TAGLN3: variants seen among roughly 807,000 people sequenced by gnomAD.
TAGLN3 encodes transgelin-3.
Under a neutral mutation model 25.4 loss-of-function variants are expected in TAGLN3, and 12 were observed. The observed-to-expected ratio is 0.47, with a 90% CI of 0.30 to 0.77. The LOEUF (loss-of-function observed/expected upper bound fraction) is 0.77, where lower values mean the gene tolerates loss of function less well. TAGLN3 is among the 30% of genes least tolerant of loss of function. The pLI is 0.06. For synonymous variants in TAGLN3, 96 were observed against 94.8 expected (o/e 1.01, Z -0.08); for missense variants, 218 against 255.8 (o/e 0.85, Z 1.01).
Position 112,013,401 on chromosome 3 carries a change from CT to C in TAGLN3, c.459-7del. On this transcript the variant is annotated splice_region_variant and splice_polypyrimidine_tract_variant and intron_variant, in intron 4 of 4. Coordinates refer to ENST00000478951, the MANE Select transcript of TAGLN3 (RefSeq NM_001008272.2). ...AATGACATTATTCCCTCTCACTTTCCTTGTCCAGGAAAGCCCAGCAGAATCG... is the reference window on the plus strand; with the variant it reads ...AATGACATTATTCCCTCTCACTTTCCTGTCCAGGAAAGCCCAGCAGAATCG... The C allele has an allele frequency of 6.2e-7, 1 of 1,607,468 alleles. No homozygotes were observed. The highest frequency in any genetic ancestry group is 1.7e-5 in the Admixed American group (1 of 59,386).
intron 3 of TAGLN3, among the ~76,000 whole-genome samples, chr3:112,007,880 A>T (rs2072934507): frequency 6.6e-6 from 1 of 152,246 alleles, no homozygotes. Context: ...GTTTTTAAAC[A>T]TTGAAAACCA....
intron 3 of TAGLN3, among the ~76,000 whole-genome samples, chr3:112,003,211 T>G (rs1295296234): frequency 1.3e-5 from 2 of 152,288 alleles, no homozygotes; most frequent in East Asian, 1.9e-4. Context: ...GTCTGGTGGC[T>G]GACTCTATGG....
At chr3:112,005,565 T>C (rs2072906995) in intron 3 of TAGLN3, among the ~76,000 whole-genome samples, 2 of 152,162 alleles carry the variant, frequency 1.3e-5, no homozygotes, top group South Asian at 4.1e-4. Flanking sequence ...TCACTTTATG[T>C]GTCATTCCTC....
At chr3:112,002,742 G>A (rs1482578938) in intron 3 of TAGLN3, among the ~76,000 whole-genome samples, 3 of 152,136 alleles carry the variant, frequency 2.0e-5, no homozygotes, top group African/African-American at 7.2e-5. Context: ...CTGTCTTCAT[G>A]CTACTGAGGA....
chr3:112,002,688 A>G (rs1266309056), intron 3 of TAGLN3, among the ~76,000 whole-genome samples: 4 of 150,154 alleles, frequency 2.7e-5, no homozygotes, highest in African/African-American at 4.9e-5. Context: ...GGGAGGAGGA[A>G]GAAGCCAGGA....
chr3:112,005,513 T>C (rs566177532), intron 3 of TAGLN3, among the ~76,000 whole-genome samples: 5 of 152,126 alleles, frequency 3.3e-5, no homozygotes, highest in South Asian at 2.1e-4. Flanking sequence ...GTGGTTTACA[T>C]TGGAAGGGCC....
intron 1 of TAGLN3, 126 bp downstream of exon 1, chr3:111,999,240 T>G: frequency 1.6e-6 from 1 of 618,706 alleles, no homozygotes; most frequent in Non-Finnish European, 2.7e-6. Flanking sequence ...TTCTTTCCCG[T>G]TTGTAGGTGA....
chr3:112,007,730 C>A (rs2072932974), intron 3 of TAGLN3, among the ~76,000 whole-genome samples: 1 of 152,240 alleles, frequency 6.6e-6, no homozygotes, highest in African/African-American at 2.4e-5. Flanking sequence ...AGCTGCAGGG[C>A]TCTGGGCTGA....
chr3:112,002,651 C>G (rs1040057095), intron 3 of TAGLN3, among the ~76,000 whole-genome samples: 2 of 150,702 alleles, frequency 1.3e-5, no homozygotes, highest in South Asian at 2.1e-4. Context: ...AGTCCCCCCC[C>G]CACCCCACAA....
intron 4 of TAGLN3, among the ~76,000 whole-genome samples, chr3:112,012,397 C>T (rs1256140795): frequency 6.6e-5 from 10 of 151,406 alleles, no homozygotes; most frequent in Non-Finnish European, 1.2e-4. Flanking sequence ...CCCAGTATAT[C>T]TATTAATAGA....
chr3:112,006,877 G>T, intron 3 of TAGLN3, among the ~76,000 whole-genome samples: 1 of 152,152 alleles, frequency 6.6e-6, no homozygotes, highest in East Asian at 1.9e-4. Context: ...GCCTTACAAT[G>T]CAGAACCTCC....
chr3:112,012,521 A>C (rs1390451749), intron 4 of TAGLN3, among the ~76,000 whole-genome samples: 1 of 151,852 alleles, frequency 6.6e-6, no homozygotes, highest in Non-Finnish European at 1.5e-5. Context: ...GGTAGGCAGG[A>C]AGCTTAAACT....
At chr3:112,011,159 A>C (rs1434739400) in intron 3 of TAGLN3, among the ~76,000 whole-genome samples, 2 of 152,216 alleles carry the variant, frequency 1.3e-5, no homozygotes, top group African/African-American at 4.8e-5. Flanking sequence ...GGAAGAGAAG[A>C]AAGGAGAAAG....
chr3:112,013,394 C>T lies in TAGLN3; in HGVS notation c.459-16C>T, dbSNP rs2073000214. On this transcript the variant is annotated splice_polypyrimidine_tract_variant and intron_variant, in intron 4 of 4. Coordinates refer to ENST00000478951, the MANE Select transcript of TAGLN3 (RefSeq NM_001008272.2). ...CTGTCATAATGACATTATTCCCTCT[C>T]ACTTTCCTTGTCCAGGAAAGCCCAG... 2 of 1,605,790 alleles carry T rather than the reference C, an allele frequency of 1.2e-6. No homozygotes were observed. The highest frequency in any genetic ancestry group is 1.7e-6 in the Non-Finnish European group (2 of 1,174,648).
intron 4 of TAGLN3, among the ~76,000 whole-genome samples, chr3:112,012,254 C>CCCTTCCTCCCTCCCTCCCTCCCTT (rs2072986579): frequency 1.3e-5 from 1 of 74,106 alleles, no homozygotes; most frequent in Non-Finnish European, 2.5e-5. Context: ...CTCCCTCCCT[C>CCCTTCCTCCCTCCCTCCCTCCCTT]CCTTCCTTCC....
intron 3 of TAGLN3, among the ~76,000 whole-genome samples, chr3:112,007,459 C>T (rs918495665): frequency 6.6e-6 from 1 of 152,120 alleles, no homozygotes; most frequent in Non-Finnish European, 1.5e-5. Context: ...AAGAGTTTTG[C>T]CTTTTCTAGT....
intron 3 of TAGLN3, among the ~76,000 whole-genome samples, chr3:112,002,523 T>C (rs1433681935): frequency 6.6e-6 from 1 of 151,726 alleles, no homozygotes; most frequent in East Asian, 1.9e-4. Flanking sequence ...ATCATAATGG[T>C]GACTAGGTGA....
chr3:112,011,032 T>C (rs1559944119), intron 3 of TAGLN3, among the ~76,000 whole-genome samples: 1 of 152,246 alleles, frequency 6.6e-6, no homozygotes, highest in Non-Finnish European at 1.5e-5. Context: ...CTTTTAACCC[T>C]ATGCTTTTTA....
rs186871288 is a variant in TAGLN3, at chr3:112,005,425, T to C, written c.355+4479T>C. Among the ~76,000 whole-genome samples the C allele has an allele frequency of 1.1e-3, 168 of 152,296 alleles. 1 individual carries two copies. Among genetic ancestry groups the C allele is most frequent in the African/African-American group, 3.9e-3 (160 of 41,548 alleles). ...CGATCAGTCTCATGGCTCTTCTTAG[T>C]AATTCTACTGGTATGGATCCTGAAC... On this transcript the variant is annotated intron_variant, in intron 3 of 4. Transcript: ENST00000478951.
Sources: allele counts gnomAD v4.1 joint callset (sites outside exome capture counted in the v4.1 genomes callset), GRCh38; gene constraint gnomAD v4.1.1; transcripts MANE v1.5; gene names NCBI Gene and HGNC (gene_info 2026-07-23, HGNC 2026-07-21).